The following LYPLAL1 variants were observed in gnomAD, a reference collection of about 807,000 sequenced individuals.
LYPLAL1 encodes lysophospholipase-like protein 1.
LYPLAL1 carries 23 observed loss-of-function variants against 19.7 expected under a neutral mutation model. That is an observed-to-expected ratio of 1.17 (90% confidence interval 0.84 to 1.65). LYPLAL1 has a LOEUF of 1.65. Among genes scored for constraint, LYPLAL1 ranks in the 40% most tolerant of loss-of-function variants. LYPLAL1 has a pLI of 0.00. For synonymous variants in LYPLAL1, 119 were observed against 96.3 expected, an observed-to-expected ratio of 1.24 and a Z score of -1.38; for missense variants, 355 against 279.4, an observed-to-expected ratio of 1.27 and a Z score of -1.93.
chr1:219,434,369 G>C, the LYPLAL1 span, among the ~76,000 whole-genome samples: 45 of 152,276 alleles, frequency 3.0e-4, no homozygotes, highest in Admixed American at 2.7e-3. Context: ...GTTTATTCTT[G>C]TGAATCCCAT....
chr1:219,214,003 T>A (rs1659196029), downstream of LYPLAL1, among the ~76,000 whole-genome samples: 1 of 152,136 alleles, frequency 6.6e-6, no homozygotes, highest in Middle Eastern at 3.2e-3. Flanking sequence ...TCTTACATCA[T>A]TAAATATGTT....
chr1:219,250,397 G>T, the LYPLAL1 span, among the ~76,000 whole-genome samples: 3 of 151,884 alleles, frequency 2.0e-5, no homozygotes, highest in East Asian at 5.8e-4. Flanking sequence ...GCATTAATTA[G>T]TATCATTTTA....
At chr1:219,381,035 C>T in the LYPLAL1 span, among the ~76,000 whole-genome samples, 1 of 152,184 alleles carries the variant, frequency 6.6e-6, no homozygotes, top group African/African-American at 2.4e-5. Flanking sequence ...GAGAACCCAG[C>T]ATCAGCTCTG....
the LYPLAL1 span, among the ~76,000 whole-genome samples, chr1:219,431,671 G>GATT: frequency 6.6e-6 from 1 of 152,170 alleles, no homozygotes; most frequent in Non-Finnish European, 1.5e-5. Flanking sequence ...AACTTCAGAA[G>GATT]ATTATTGAAG....
the LYPLAL1 span, among the ~76,000 whole-genome samples, chr1:219,297,397 T>G: frequency 6.6e-6 from 1 of 152,232 alleles, no homozygotes; most frequent in Non-Finnish European, 1.5e-5. Context: ...GGAAGTTTGG[T>G]GAGTCTGACC....
the LYPLAL1 span, among the ~76,000 whole-genome samples, chr1:219,287,692 T>G: frequency 2.0e-5 from 3 of 152,324 alleles, no homozygotes; most frequent in East Asian, 5.8e-4. Context: ...CTTACCAAAC[T>G]AAACATATTC....
At chr1:219,384,953 G>T in the LYPLAL1 span, among the ~76,000 whole-genome samples, 1 of 152,126 alleles carries the variant, frequency 6.6e-6, no homozygotes, top group Non-Finnish European at 1.5e-5. Context: ...ACATACTTTT[G>T]GTTGTACAAC....
the LYPLAL1 span, among the ~76,000 whole-genome samples, chr1:219,252,364 T>C: frequency 2.6e-5 from 4 of 152,128 alleles, no homozygotes; most frequent in Non-Finnish European, 5.9e-5. Flanking sequence ...GTCCCAGTTT[T>C]CAAGGTGAAG....
chr1:219,242,599 T>C, the LYPLAL1 span, among the ~76,000 whole-genome samples: 1 of 152,128 alleles, frequency 6.6e-6, no homozygotes, highest in Non-Finnish European at 1.5e-5. Flanking sequence ...TTATGGCTTA[T>C]TATGTCCCTG....
chr1:219,349,454 A>T, the LYPLAL1 span, among the ~76,000 whole-genome samples: 1 of 152,200 alleles, frequency 6.6e-6, no homozygotes, highest in Non-Finnish European at 1.5e-5. Flanking sequence ...AATGAAGCAT[A>T]ATTTGAAGCA....
At chr1:219,292,291 A>G in the LYPLAL1 span, among the ~76,000 whole-genome samples, 18 of 152,206 alleles carry the variant, frequency 1.2e-4, no homozygotes, top group Admixed American at 3.3e-4. Flanking sequence ...TATGCCCTGA[A>G]GTTCACAACC....
chr1:219,321,997 A>G, the LYPLAL1 span, among the ~76,000 whole-genome samples: 1 of 152,308 alleles, frequency 6.6e-6, no homozygotes, highest in East Asian at 1.9e-4. Context: ...AACATAATGG[A>G]GGCACAGTTT....
chr1:219,409,031 CACAGAAATG>C, the LYPLAL1 span, among the ~76,000 whole-genome samples: 2 of 151,870 alleles, frequency 1.3e-5, no homozygotes, highest in Non-Finnish European at 2.9e-5. Flanking sequence ...AAATTTAAGC[CACAGAAATG>C]ACTTAGAAGT....
chr1:219,313,721 G>C, the LYPLAL1 span, among the ~76,000 whole-genome samples: 1 of 152,058 alleles, frequency 6.6e-6, no homozygotes, highest in Non-Finnish European at 1.5e-5. Flanking sequence ...TTTTAGTAGA[G>C]ACAGGGTTTC....
At chr1:219,191,042 C>T (rs1392629890) in intron 2 of LYPLAL1, among the ~76,000 whole-genome samples, 4 of 151,638 alleles carry the variant, frequency 2.6e-5, no homozygotes, top group East Asian at 1.9e-4. Context: ...GTAAATTATA[C>T]CTCAATAAAG....
At chr1:219,361,154 A>C in the LYPLAL1 span, among the ~76,000 whole-genome samples, 1 of 152,202 alleles carries the variant, frequency 6.6e-6, no homozygotes, top group East Asian at 1.9e-4. Flanking sequence ...GGAGACCAGC[A>C]AAAAGTCTGT....
the LYPLAL1 span, among the ~76,000 whole-genome samples, chr1:219,436,666 CA>C: frequency 6.6e-6 from 1 of 152,120 alleles, no homozygotes; most frequent in East Asian, 1.9e-4. Context: ...TCCTCATCCA[CA>C]AGGCTAAGTG....
chr1:219,211,396 T>C, intron 4 of LYPLAL1, 96 bp from the exon 5 acceptor site: 1 of 848,076 alleles, frequency 1.2e-6, no homozygotes, highest in South Asian at 1.8e-5. Flanking sequence ...TATTGAAGCC[T>C]TGGTAAAATT....
chr1:219,331,440 A>G, the LYPLAL1 span, among the ~76,000 whole-genome samples: 3 of 152,158 alleles, frequency 2.0e-5, no homozygotes, highest in African/African-American at 7.2e-5. Flanking sequence ...TTTTTGTGTT[A>G]AAACTGGGTC....
Sources: gnomAD v4.1 joint callset for allele counts (sites outside exome capture counted in the v4.1 genomes callset) on GRCh38, gnomAD v4.1.1 for gene constraint, MANE v1.5 for transcripts, NCBI Gene and HGNC (gene_info 2026-07-23, HGNC 2026-07-21) for gene names.